RHD: variants seen among roughly 807,000 people sequenced by gnomAD.
The protein encoded by RHD is blood group Rh(D) polypeptide.
RHD carries 16 observed loss-of-function variants against 45.5 expected under a neutral mutation model. The ratio of observed to expected loss-of-function variants is 0.35; its 90% confidence interval spans 0.24 to 0.53. The LOEUF is 0.53. Among genes scored for constraint, RHD ranks in the 20% least tolerant of loss-of-function variants. The pLI, the probability that RHD is intolerant of heterozygous loss-of-function variation, is 0.92. For missense variants in RHD, 306 were observed against 532.0 expected (o/e 0.58, Z 4.18); for synonymous variants, 131 against 217.5 (o/e 0.60, Z 3.50).
At chr1:25,313,928 G>A (rs562815768) in intron 7 of RHD, among the ~76,000 whole-genome samples, 2 of 133,322 alleles carry the variant, frequency 1.5e-5, no homozygotes, top group African/African-American at 5.1e-5. Flanking sequence ...AGAAAAGATA[G>A]TTGGAACAAG....
chr1:25,289,631 T>C (rs1163229879), intron 2 of RHD, among the ~76,000 whole-genome samples: 1 of 125,108 alleles, frequency 8.0e-6, no homozygotes, highest in African/African-American at 2.7e-5. Flanking sequence ...GGAGGGAGTC[T>C]CAGAGCAAGC....
In RHD at chr1:25,308,115, T is replaced by A. The variant is rs577712931; in HGVS notation, c.1073+1386T>A. 4.7e-4 allele frequency among the ~76,000 whole-genome samples: 58 copies of A among 123,732 alleles called. 12 individuals are homozygous for A. Among genetic ancestry groups the A allele is most frequent in the Non-Finnish European group, 8.1e-4 (43 of 53,088 alleles). 81.2% of individuals were successfully genotyped at this position (123,732 alleles called of 152,430 possible). A position where few individuals can be genotyped will look rare whatever the true frequency, so the allele number is the denominator to read the frequency against. On this transcript the variant is annotated intron_variant, in intron 7 of 9. Transcript: ENST00000328664. The stretch of plus-strand genomic sequence containing the variant: ...ACAGTGCAGGGACCCAGGCTCAGTG[T>A]TGCCAGATCCAATGACTTCTCAAGA...
rs760262848 is a variant in RHD, at chr1:25,306,608, C to T, written c.952C>T (p.Arg318Ter). The change falls in exon 7 of 10, where the codon CGA (arginine) becomes TGA (stop). Residue 318 changes from arginine to a stop codon, truncating the protein, a stop_gained. Transcript: ENST00000328664. LOFTEE classifies it high-confidence loss of function. Reference sequence around the variant, plus strand: ...CACTTGTCCACAGGGGTGTTGTAACCGAGTGCTGGGGATTCCCCACAGCTC... The same window carrying T: ...CACTTGTCCACAGGGGTGTTGTAACTGAGTGCTGGGGATTCCCCACAGCTC... Reference protein sequence around the residue: ...GAKYLPGCCNRVLGIPHSSIM... With the variant: ...GAKYLPGCCN The T allele has an allele frequency of 3.6e-6, 5 of 1,378,000 alleles. 1 individual carries two copies. The highest frequency in any genetic ancestry group is 3.1e-6 in the Non-Finnish European group (3 of 978,596). 85.4% of individuals were successfully genotyped at this position (1,378,000 alleles called of 1,614,324 possible).
At chr1:25,287,909 C>G (rs28718098) in intron 2 of RHD, among the ~76,000 whole-genome samples, 41,407 of 129,320 alleles carry the variant, frequency 0.32, 12,666 homozygotes, top group African/African-American at 0.48. Flanking sequence ...TTTTAGTAGA[C>G]AAGGGGTTTC....
intron 6 of RHD, among the ~76,000 whole-genome samples, chr1:25,305,791 G>A (rs1240255668): frequency 1.5e-5 from 2 of 130,248 alleles, no homozygotes; most frequent in South Asian, 2.4e-4. Context: ...TAGTAGAGAC[G>A]GGGTTTCACC....
chr1:25,289,225 TACTC>T (rs1484602144), intron 2 of RHD, among the ~76,000 whole-genome samples: 2 of 132,418 alleles, frequency 1.5e-5, no homozygotes, highest in African/African-American at 5.2e-5. Context: ...GAGGCAGTCT[TACTC>T]TGTTGCCCAG....
intron 1 of RHD, among the ~76,000 whole-genome samples, chr1:25,278,974 A>G (rs585323): frequency 0.04 from 5,147 of 127,916 alleles, 1,274 homozygotes; most frequent in Middle Eastern, 0.087. Context: ...AGAGCCTGGG[A>G]GAGTGAAGCT....
Position 25,274,106 on chromosome 1 carries a change from G to A in RHD, c.148+1411G>A, listed in dbSNP as rs603362. Among the ~76,000 whole-genome samples the A allele has an allele frequency of 7.4e-3, 985 of 132,576 alleles. 142 individuals carry two copies. Among genetic ancestry groups the A allele is most frequent in the African/African-American group, 0.024 (933 of 38,848 alleles). 87.0% of individuals were successfully genotyped at this position (132,576 alleles called of 152,430 possible). ...GGGATCCAGACTCATGATGATTAGA[G>A]CTGATATTTATGAGCACTTACTATG... On this transcript the variant is annotated intron_variant, in intron 1 of 9. Coordinates refer to ENST00000328664, the MANE Select transcript of RHD (RefSeq NM_016124.6).
chr1:25,288,446 C>T (rs1439809038), intron 2 of RHD, among the ~76,000 whole-genome samples: 4 of 128,250 alleles, frequency 3.1e-5, no homozygotes, highest in African/African-American at 5.3e-5. Context: ...TCCCAAAGTG[C>T]GAAGATTACA....
chr1:25,274,319 A>G (rs1240227729), intron 1 of RHD, among the ~76,000 whole-genome samples: 1 of 132,136 alleles, frequency 7.6e-6, no homozygotes, highest in Non-Finnish European at 1.8e-5. Context: ...TAGTTTCCTT[A>G]CACTTAACCA....
chr1:25,272,826 T>G, intron 1 of RHD, 131 bp downstream of exon 1: 1 of 1,151,506 alleles, frequency 8.7e-7, no homozygotes, highest in East Asian at 2.3e-5. Flanking sequence ...CCCATCTTCT[T>G]CCGTAGATTG....
Position 25,290,700 on chromosome 1 carries a change from G to C in RHD, c.395G>C (p.Gly132Ala). The C allele has an allele frequency of 7.3e-7, 1 of 1,378,028 alleles. No homozygotes were observed. The highest frequency in any genetic ancestry group is 1.0e-6 in the Non-Finnish European group (1 of 978,238). 85.4% of individuals were successfully genotyped at this position (1,378,028 alleles called of 1,614,324 possible). A position where few individuals can be genotyped will look rare whatever the true frequency, so the allele number is the denominator to read the frequency against. The stretch of plus-strand genomic sequence containing the variant: ...CTGATCTCAGTGGATGCTGTCTTGG[G>C]GAAGGTCAACTTGGCGCAGTTGGTG... ...SVLISVDAVL[G>A]KVNLAQLVVM... Residue 132 changes from glycine (G) to alanine (A), a missense_variant, in exon 3 of 10, where the codon GGG becomes GCG. By Grantham distance (60) the Gly-to-Ala change is moderately conservative. Coordinates refer to ENST00000328664, the MANE Select transcript of RHD (RefSeq NM_016124.6).
intron 8 of RHD, among the ~76,000 whole-genome samples, chr1:25,321,619 G>A (rs1333681230): frequency 7.9e-6 from 1 of 126,124 alleles, no homozygotes; most frequent in East Asian, 2.0e-4. Flanking sequence ...GCAGTGAGCC[G>A]AGATCACGCC....
chr1:25,292,908 G>A (rs978463109), intron 3 of RHD, among the ~76,000 whole-genome samples: 1 of 120,800 alleles, frequency 8.3e-6, no homozygotes, highest in Admixed American at 8.2e-5. Context: ...GCCAGCAAAG[G>A]AGACAGAATT....
intron 2 of RHD, among the ~76,000 whole-genome samples, chr1:25,289,601 A>G (rs1374143011): frequency 7.9e-6 from 1 of 127,118 alleles, no homozygotes; most frequent in African/African-American, 2.7e-5. Context: ...TAGCATCATC[A>G]TCATTAACTC....
intron 3 of RHD, among the ~76,000 whole-genome samples, chr1:25,295,691 AAAGGCTG>A (rs1400175641): frequency 9.3e-6 from 1 of 107,078 alleles, no homozygotes; most frequent in Non-Finnish European, 2.2e-5. Context: ...TGATGGAGAG[AAAGGCTG>A]AAGGGCAGGG....
rs140538255 is a variant in RHD at position 25,315,874 on chromosome 1, C to G, written c.1074-1126C>G. ...TATGATCTTATGAGGTAGGGACTGTCATTATTTCTCCCACTTTATAATGAA... is the reference window on the plus strand; with the variant it reads ...TATGATCTTATGAGGTAGGGACTGTGATTATTTCTCCCACTTTATAATGAA... On this transcript the variant is annotated intron_variant, in intron 7 of 9. Coordinates refer to ENST00000328664, the MANE Select transcript of RHD (RefSeq NM_016124.6). Among the ~76,000 whole-genome samples, 30 of 131,318 alleles carry G rather than the reference C, an allele frequency of 2.3e-4. 3 individuals carry two copies. Among genetic ancestry groups the G allele is most frequent in the South Asian group, 4.7e-4 (2 of 4,288 alleles). The allele number at this position is 131,318 out of a possible 152,430, so 86.1% of individuals were successfully genotyped here. A position where few individuals can be genotyped will look rare whatever the true frequency, so the allele number is the denominator to read the frequency against.
intron 3 of RHD, among the ~76,000 whole-genome samples, chr1:25,298,713 T>C (rs1276523271): frequency 1.5e-5 from 2 of 131,636 alleles, no homozygotes; most frequent in East Asian, 1.9e-4. Context: ...ATTTACTATA[T>C]ACCAGGGACT....
intron 1 of RHD, among the ~76,000 whole-genome samples, chr1:25,277,963 C>T (rs1418787954): frequency 2.3e-5 from 3 of 132,806 alleles, no homozygotes; most frequent in African/African-American, 7.7e-5. Context: ...CGTGAGCCAC[C>T]GCGCCTGGCC....
Sources: allele counts gnomAD v4.1 joint callset (sites outside exome capture counted in the v4.1 genomes callset), GRCh38; gene constraint gnomAD v4.1.1; transcripts MANE v1.5; gene names NCBI Gene and HGNC (gene_info 2026-07-23, HGNC 2026-07-21).